The following TEX11 variants were observed in gnomAD, a reference collection of about 807,000 sequenced individuals.
TEX11 encodes testis expressed 11, also known as testis-expressed protein 11.
In TEX11, 7 loss-of-function variants were observed where a neutral mutation model predicts 84.4. The observed-to-expected ratio is 0.08, with a 90% CI of 0.05 to 0.16. The LOEUF is 0.16. TEX11 is among the 10% of genes least tolerant of loss of function. TEX11 has a pLI of 1.00. For missense variants in TEX11, 551 were observed against 660.5 expected (o/e 0.83, Z 1.82); for synonymous variants, 264 against 222.8 (o/e 1.18, Z -1.64).
At chrX:70,611,613 C>G (rs2089261926) in intron 20 of TEX11, among the ~76,000 whole-genome samples, 2 of 111,571 alleles carry the variant, frequency 1.8e-5, no homozygotes, top group East Asian at 2.8e-4. Flanking sequence ...TAAAACATGC[C>G]AGAGCACCCT....
chrX:70,602,373 C>T (rs2147516224), intron 24 of TEX11, among the ~76,000 whole-genome samples: 1 of 107,032 alleles, frequency 9.3e-6, no homozygotes, highest in East Asian at 2.9e-4. Flanking sequence ...GGGCTTCATC[C>T]CTGGGATGCA....
At chrX:70,770,077 A>C (rs1359609632) in intron 9 of TEX11, among the ~76,000 whole-genome samples, 2 of 111,358 alleles carry the variant, frequency 1.8e-5, no homozygotes, top group African/African-American at 6.5e-5. Context: ...ATCATTAACA[A>C]ATTTTCTGCC....
rs1287175358 is a variant in TEX11, at chrX:70,789,290, C to T, written c.692+17415G>A. On this transcript the variant is annotated intron_variant, in intron 9 of 29. Transcript: ENST00000374333. ...TCAAAATCGCTACACATTAGGGAAGCTCAAATTAAAACCACAGTGAGGGCA... is the reference window on the plus strand; with the variant it reads ...TCAAAATCGCTACACATTAGGGAAGTTCAAATTAAAACCACAGTGAGGGCA... Among the ~76,000 whole-genome samples, 13 of 111,157 alleles carry T rather than the reference C, an allele frequency of 1.2e-4. No homozygotes were observed. In the Admixed American group the frequency reaches 1.2e-3, roughly 11 times the overall value.
intron 7 of TEX11, among the ~76,000 whole-genome samples, chrX:70,842,422 A>C (rs1602174550): frequency 1.8e-5 from 2 of 111,665 alleles, no homozygotes; most frequent in East Asian, 5.6e-4. Flanking sequence ...CCTTTGACAA[A>C]ATTCAACAAC....
intron 16 of TEX11, among the ~76,000 whole-genome samples, chrX:70,670,102 A>C (rs898809759): frequency 8.9e-6 from 1 of 112,345 alleles, no homozygotes; most frequent in African/African-American, 3.2e-5. Flanking sequence ...AACTTTGTTC[A>C]GGAGTTCCAA....
At chrX:70,887,891 G>GA (rs201411678) in intron 2 of TEX11, among the ~76,000 whole-genome samples, 3,510 of 112,172 alleles carry the variant, frequency 0.031, 112 homozygotes, top group South Asian at 0.15. Flanking sequence ...AGAACAGAGA[G>GA]GGAGACTCTG....
At chrX:70,870,832 C>T (rs1273622142) in intron 4 of TEX11, among the ~76,000 whole-genome samples, 1 of 111,951 alleles carries the variant, frequency 8.9e-6, no homozygotes, top group Non-Finnish European at 1.9e-5. Flanking sequence ...AGGTTTCATC[C>T]TGAACCTAAA....
At chrX:70,817,977 A>G (rs745398026) in intron 8 of TEX11, among the ~76,000 whole-genome samples, 49 of 111,140 alleles carry the variant, frequency 4.4e-4, no homozygotes, top group Non-Finnish European at 8.7e-4. Flanking sequence ...CACAAAAGCA[A>G]TGATTTAACA....
At chrX:70,746,801 A>C (rs2090770668) in intron 9 of TEX11, among the ~76,000 whole-genome samples, 1 of 112,376 alleles carries the variant, frequency 8.9e-6, no homozygotes, top group African/African-American at 3.2e-5. Flanking sequence ...AGAATCAGGG[A>C]AACAGCCAAG....
chrX:70,771,846 C>A (rs2090973781), intron 9 of TEX11, among the ~76,000 whole-genome samples: 1 of 111,896 alleles, frequency 8.9e-6, no homozygotes, highest in Non-Finnish European at 1.9e-5. Flanking sequence ...CAAGTTAGCT[C>A]CTATTGCCCA....
intron 2 of TEX11, among the ~76,000 whole-genome samples, chrX:70,895,508 A>G (rs1352585971): frequency 1.8e-5 from 2 of 112,112 alleles, no homozygotes; most frequent in Admixed American, 1.9e-4. Context: ...TCTTTGCAGA[A>G]TTAGAAAAAC....
chrX:70,701,189 A>G (rs2090323250), intron 13 of TEX11, among the ~76,000 whole-genome samples: 1 of 112,459 alleles, frequency 8.9e-6, no homozygotes, highest in South Asian at 3.7e-4. Context: ...ACATTCTTAC[A>G]TTGGAAGAAG....
intron 29 of TEX11, among the ~76,000 whole-genome samples, chrX:70,529,422 C>T (rs1040933665): frequency 8.9e-6 from 1 of 112,044 alleles, no homozygotes; most frequent in African/African-American, 3.2e-5. Flanking sequence ...GGCTTTTTCT[C>T]TACCAAACCT....
At chrX:70,814,982 T>C (rs1431956226) in intron 8 of TEX11, among the ~76,000 whole-genome samples, 2 of 112,329 alleles carry the variant, frequency 1.8e-5, no homozygotes, top group Middle Eastern at 4.6e-3. Flanking sequence ...ACATACCCTC[T>C]GCACTATGGC....
intron 17 of TEX11, among the ~76,000 whole-genome samples, chrX:70,635,064 A>G (rs2089555109): frequency 8.9e-6 from 1 of 112,377 alleles, no homozygotes; most frequent in Non-Finnish European, 1.9e-5. Flanking sequence ...TCCCCACAAG[A>G]ACATCAATTT....
chrX:70,599,689 T>A (rs1435773255), intron 24 of TEX11, among the ~76,000 whole-genome samples: 1 of 69,550 alleles, frequency 1.4e-5, no homozygotes, highest in Non-Finnish European at 2.5e-5. Flanking sequence ...CCCACAACAG[T>A]CCCCAGAGTG....
At chrX:70,819,101 G>A (rs1471511777) in intron 8 of TEX11, among the ~76,000 whole-genome samples, 1 of 111,542 alleles carries the variant, frequency 9.0e-6, no homozygotes, top group African/African-American at 3.3e-5. Context: ...TATGAAATCA[G>A]CATTACTCTG....
intron 27 of TEX11, among the ~76,000 whole-genome samples, chrX:70,553,062 C>T (rs1156249286): frequency 8.9e-6 from 1 of 112,228 alleles, no homozygotes; most frequent in Non-Finnish European, 1.9e-5. Context: ...ATTATATACA[C>T]AGATTCACAC....
intron 20 of TEX11, among the ~76,000 whole-genome samples, chrX:70,620,847 T>C (rs1177259147): frequency 8.9e-6 from 1 of 112,103 alleles, no homozygotes; most frequent in Non-Finnish European, 1.9e-5. Context: ...AAAGGCTACA[T>C]ATTGTATGAT....
Sources: gnomAD v4.1 joint callset for allele counts (sites outside exome capture counted in the v4.1 genomes callset) on GRCh38, gnomAD v4.1.1 for gene constraint, MANE v1.5 for transcripts, NCBI Gene and HGNC (gene_info 2026-07-23, HGNC 2026-07-21) for gene names.